Variants in ERBB4 observed in about 807,000 individuals in gnomAD.
ERBB4 encodes receptor tyrosine-protein kinase erbB-4.
Under a neutral mutation model 158.0 loss-of-function variants are expected in ERBB4, and 42 were observed. The observed-to-expected ratio is 0.27, with a 90% CI of 0.21 to 0.34. The LOEUF is 0.34. Ranked by LOEUF, ERBB4 falls within the 10% of genes least tolerant of loss-of-function variation. The probability of loss-of-function intolerance (pLI) is 1.00; values close to 1 mark genes in which losing one functional copy is unlikely to be tolerated. For missense variants in ERBB4, 1,333 were observed against 1,624.1 expected (o/e 0.82, Z 3.08); for synonymous variants, 583 against 558.7 (o/e 1.04, Z -0.61).
intron 1 of ERBB4, among the ~76,000 whole-genome samples, chr2:212,480,833 T>C (rs1007990977): frequency 1.3e-5 from 2 of 152,254 alleles, no homozygotes; most frequent in Admixed American, 6.5e-5. Context: ...CTACTAATCT[T>C]ATGATTATGC....
intron 1 of ERBB4, among the ~76,000 whole-genome samples, chr2:212,348,084 A>G (rs913261313): frequency 2.4e-4 from 37 of 152,136 alleles, no homozygotes; most frequent in African/African-American, 7.2e-4. Flanking sequence ...CAAAAAGAAA[A>G]TAAAATTTTT....
chr2:212,135,732 A>G (rs551126981), intron 1 of ERBB4, among the ~76,000 whole-genome samples: 1 of 152,274 alleles, frequency 6.6e-6, no homozygotes, highest in African/African-American at 2.4e-5. Context: ...CCTCCCTCAT[A>G]CAAAGTCCTT....
chr2:211,502,680 A>ATT (rs2065647004), intron 20 of ERBB4, among the ~76,000 whole-genome samples: 1 of 152,148 alleles, frequency 6.6e-6, no homozygotes, highest in Non-Finnish European at 1.5e-5. Flanking sequence ...AAATGTATAA[A>ATT]TGTAGAGTAC....
At chr2:211,857,846 C>T (rs180797591) in intron 3 of ERBB4, among the ~76,000 whole-genome samples, 3 of 152,258 alleles carry the variant, frequency 2.0e-5, no homozygotes, top group East Asian at 3.9e-4. Context: ...CTGAATTCTC[C>T]GCTATTGGGA....
At chr2:212,514,577 C>T (rs1454162221) in intron 1 of ERBB4, among the ~76,000 whole-genome samples, 5 of 152,038 alleles carry the variant, frequency 3.3e-5, no homozygotes, top group East Asian at 1.9e-4. Context: ...GAGGCTGAGG[C>T]GGGCGGATCA....
At chr2:211,980,461 C>T (rs1027643441) in intron 2 of ERBB4, among the ~76,000 whole-genome samples, 2 of 152,078 alleles carry the variant, frequency 1.3e-5, no homozygotes, top group African/African-American at 4.8e-5. Flanking sequence ...ACATGATTTG[C>T]ATTACCTCAT....
At chr2:212,359,700 T>A (rs1026559935) in intron 1 of ERBB4, among the ~76,000 whole-genome samples, 3 of 151,784 alleles carry the variant, frequency 2.0e-5, no homozygotes, top group African/African-American at 7.2e-5. Context: ...ATATTGTATA[T>A]GCATTACTAC....
chr2:212,098,207 T>C (rs1315834595), intron 2 of ERBB4, among the ~76,000 whole-genome samples: 4 of 152,172 alleles, frequency 2.6e-5, no homozygotes, highest in Non-Finnish European at 5.9e-5. Context: ...TTCAAAACAA[T>C]GTAACTAATT....
chr2:211,518,518 G>A (rs1180389425), intron 20 of ERBB4, among the ~76,000 whole-genome samples: 1 of 151,988 alleles, frequency 6.6e-6, no homozygotes, highest in Non-Finnish European at 1.5e-5. Flanking sequence ...GCCAGGGGTG[G>A]TGGTGCACAC....
At chr2:211,867,190 A>C (rs1459999873) in intron 3 of ERBB4, among the ~76,000 whole-genome samples, 1 of 152,188 alleles carries the variant, frequency 6.6e-6, no homozygotes, top group Non-Finnish European at 1.5e-5. Flanking sequence ...AATGCAGATG[A>C]AGGATAAGTC....
At chr2:211,459,466 C>G (rs2064471854) in intron 20 of ERBB4, among the ~76,000 whole-genome samples, 1 of 152,154 alleles carries the variant, frequency 6.6e-6, no homozygotes, top group Admixed American at 6.5e-5. Flanking sequence ...GTGTCCTCAC[C>G]CAAATGTCAT....
intron 15 of ERBB4, among the ~76,000 whole-genome samples, chr2:211,662,555 T>G (rs2071468931): frequency 2.0e-5 from 3 of 152,164 alleles, no homozygotes; most frequent in African/African-American, 7.2e-5. Flanking sequence ...AGAGCAGATA[T>G]CCAATATACA....
chr2:212,389,380 C>T (rs2090781589), intron 1 of ERBB4, among the ~76,000 whole-genome samples: 1 of 152,012 alleles, frequency 6.6e-6, no homozygotes, highest in African/African-American at 2.4e-5. Flanking sequence ...GCTGATTTTA[C>T]TTAGAGTTCA....
chr2:212,188,458 T>C (rs1452945365), intron 1 of ERBB4, among the ~76,000 whole-genome samples: 1 of 151,706 alleles, frequency 6.6e-6, no homozygotes, highest in African/African-American at 2.4e-5. Flanking sequence ...CTTTCTACCA[T>C]TCTGTTCTCT....
intron 1 of ERBB4, among the ~76,000 whole-genome samples, chr2:212,316,384 C>A (rs181492253): frequency 6.6e-6 from 1 of 151,550 alleles, no homozygotes; most frequent in African/African-American, 2.4e-5. Context: ...GAGCATCTGA[C>A]CCCAAAGTAG....
At chr2:211,615,309 T>C (rs2069344264) in intron 19 of ERBB4, among the ~76,000 whole-genome samples, 1 of 151,822 alleles carries the variant, frequency 6.6e-6, no homozygotes, top group Non-Finnish European at 1.5e-5. Context: ...CTTATGTATG[T>C]GTTCTGCACC....
chr2:212,331,071 T>TATATATAC (rs147932949), intron 1 of ERBB4, among the ~76,000 whole-genome samples: 14 of 120,024 alleles, frequency 1.2e-4, no homozygotes, highest in African/African-American at 3.3e-4. Flanking sequence ...TATATATATA[T>TATATATAC]ACACATATAT....
At chr2:212,325,234 T>A (rs1437667514) in intron 1 of ERBB4, among the ~76,000 whole-genome samples, 2 of 150,618 alleles carry the variant, frequency 1.3e-5, no homozygotes, top group Admixed American at 1.3e-4. Context: ...CTTAGGAGAG[T>A]GAAATTCATG....
At chr2:211,609,198 C>G (rs1468448156) in intron 19 of ERBB4, among the ~76,000 whole-genome samples, 3 of 152,104 alleles carry the variant, frequency 2.0e-5, no homozygotes, top group African/African-American at 4.8e-5. Flanking sequence ...AATGAGAACC[C>G]CTTTTCCTGA....
Sources: allele counts gnomAD v4.1 joint callset (sites outside exome capture counted in the v4.1 genomes callset), GRCh38; gene constraint gnomAD v4.1.1; transcripts MANE v1.5; gene names NCBI Gene and HGNC (gene_info 2026-07-23, HGNC 2026-07-21).